The following ABCC1 variants were observed in gnomAD, a reference collection of about 807,000 sequenced individuals.
The protein encoded by ABCC1 is ATP binding cassette subfamily C member 1 (ABCC1 blood group).
ABCC1 carries 83 observed loss-of-function variants against 172.9 expected under a neutral mutation model. The ratio of observed to expected loss-of-function variants is 0.48; its 90% CI spans 0.40 to 0.58. The LOEUF is 0.58. Ranked by LOEUF, ABCC1 falls within the 20% of genes least tolerant of loss-of-function variation. The pLI is 0.00. For synonymous variants in ABCC1, 937 were observed against 825.2 expected, an observed-to-expected ratio of 1.14 and a Z score of -2.32; for missense variants, 1,817 against 2,002.7, an observed-to-expected ratio of 0.91 and a Z score of 1.77.
intron 24 of ABCC1, among the ~76,000 whole-genome samples, chr16:16,124,391 GTGTGTGTGTGTGTGTGTGTA>G (rs1196964424): frequency 9.0e-4 from 114 of 126,026 alleles, no homozygotes; most frequent in African/African-American, 2.9e-3. Context: ...GTGTGTGTGT[GTGTGTGTGTGTGTGTGTGTA>G]TGTGTGTGTG....
At chr16:16,061,503 G>C (rs1267085043) in intron 12 of ABCC1, among the ~76,000 whole-genome samples, 1 of 152,206 alleles carries the variant, frequency 6.6e-6, no homozygotes, top group East Asian at 1.9e-4. Context: ...GCATTGCGAA[G>C]TGTCCCCTTG....
At chr16:16,027,752 G>A (rs1306972898) in intron 5 of ABCC1, among the ~76,000 whole-genome samples, 1 of 152,168 alleles carries the variant, frequency 6.6e-6, no homozygotes, top group African/African-American at 2.4e-5. Context: ...GGTCGAGGCT[G>A]CAAAGAGCTA....
intron 6 of ABCC1, among the ~76,000 whole-genome samples, chr16:16,033,680 T>G (rs111982595): frequency 6.6e-6 from 1 of 152,092 alleles, no homozygotes; most frequent in Non-Finnish European, 1.5e-5. Context: ...GGAGTCTTAC[T>G]CTGTCAGTCT....
chr16:16,104,316 G>A (rs145116775), intron 20 of ABCC1, among the ~76,000 whole-genome samples: 4 of 152,250 alleles, frequency 2.6e-5, no homozygotes, highest in Non-Finnish European at 4.4e-5. Flanking sequence ...ACAGAGAGCC[G>A]ATTGGTCTGT....
At chr16:16,076,528 CTT>C in intron 15 of ABCC1, 127 bp downstream of exon 15, 2 of 892,564 alleles carry the variant, frequency 2.2e-6, no homozygotes, top group Middle Eastern at 5.2e-4. Context: ...CTTTCTAAGA[CTT>C]AGCTTACCCA....
In ABCC1 at chr16:16,068,285, A is replaced by G; in HGVS notation, c.1807A>G (p.Ile603Val). The G allele has an allele frequency of 1.2e-6, 2 of 1,614,108 alleles. No homozygotes were observed. Among genetic ancestry groups the G allele is most frequent in the Non-Finnish European group, 1.7e-6 (2 of 1,180,022 alleles). ...RFPLNILPMVISSIVQASVSL... is the reference protein window; with the variant it reads ...RFPLNILPMVVSSIVQASVSL... The stretch of plus-strand genomic sequence containing the variant: ...TCCCCTGAACATTCTCCCCATGGTC[A>G]TCAGCAGCATCGTGCAGGTACAGGG... Residue 603 changes from isoleucine (I) to valine (V), a missense_variant, in exon 13 of 31, where the codon ATC (isoleucine) becomes GTC (valine). Around this residue, in one of 3 missense-constraint regions of ABCC1, gnomAD observed 1,412 missense variants for 1,600.3 expected, o/e 0.88. Coordinates refer to ENST00000399410, the MANE Select transcript of ABCC1 (RefSeq NM_004996.4).
chr16:16,078,953 C>T (rs1192626025), intron 15 of ABCC1, among the ~76,000 whole-genome samples: 1 of 152,092 alleles, frequency 6.6e-6, no homozygotes, highest in Non-Finnish European at 1.5e-5. Context: ...CTGGGATTAC[C>T]AGCACTGGCA....
intron 1 of ABCC1, among the ~76,000 whole-genome samples, chr16:15,992,287 T>C (rs1347252131): frequency 6.6e-6 from 1 of 152,090 alleles, no homozygotes. Context: ...TATATGACAA[T>C]GTAATCATAG....
chr16:16,026,741 C>A (rs1480521375), intron 5 of ABCC1, among the ~76,000 whole-genome samples: 3 of 151,862 alleles, frequency 2.0e-5, no homozygotes, highest in Non-Finnish European at 4.4e-5. Flanking sequence ...CATGGTGAAA[C>A]CCCATCTCTA....
intron 1 of ABCC1, among the ~76,000 whole-genome samples, chr16:15,975,991 C>T (rs776764398): frequency 2.0e-5 from 3 of 152,042 alleles, no homozygotes; most frequent in East Asian, 1.9e-4. Context: ...AGAGGCCAGA[C>T]GCGGTGGCTT....
In ABCC1 at chr16:15,955,145, C is replaced by T. The variant is rs2045962358; in HGVS notation, c.48+5346C>T. Among the ~76,000 whole-genome samples, 3 of 152,238 alleles carry T rather than the reference C, an allele frequency of 2.0e-5. No individual in the cohort carries two copies. The South Asian group carries it at 6.2e-4, about 32-fold the overall frequency. ...CCAAGGCAGACGGATCATTTGAGGC[C>T]AGGAGTTTGAGACCAGTCTGGGCAG... is the stretch of plus-strand genomic sequence containing the variant. On this transcript the variant is annotated intron_variant, in intron 1 of 30. Coordinates refer to ENST00000399410, the MANE Select transcript of ABCC1 (RefSeq NM_004996.4).
intron 23 of ABCC1, among the ~76,000 whole-genome samples, chr16:16,116,295 G>A (rs1198648380): frequency 3.9e-5 from 6 of 152,088 alleles, no homozygotes. Flanking sequence ...TCAAGGAAGG[G>A]AAGTAGGGCA....
At chr16:16,022,507 G>A (rs1235654381) in intron 5 of ABCC1, among the ~76,000 whole-genome samples, 1 of 152,132 alleles carries the variant, frequency 6.6e-6, no homozygotes, top group Non-Finnish European at 1.5e-5. Context: ...GGTCCCAGCT[G>A]AAAGCAGAGG....
intron 21 of ABCC1, among the ~76,000 whole-genome samples, chr16:16,109,209 CTG>C (rs2052280323): frequency 6.6e-6 from 1 of 152,054 alleles, no homozygotes; most frequent in East Asian, 1.9e-4. Flanking sequence ...CAGAGCCTCA[CTG>C]TGTCGCTCAG....
rs188703821 is a variant in ABCC1, at chr16:16,122,385, G to A, written c.3590+211G>A. Among the ~76,000 whole-genome samples the A allele has an allele frequency of 1.1e-3, 175 of 152,270 alleles. 4 individuals are homozygous for A. In the East Asian group the frequency reaches 0.029, roughly 26 times the overall value. Reference sequence around the variant, plus strand: ...GACATGCAGTGCCCGCGGCATTTAAGTGCAGGGACACAGCTCTTCTGGAGT... The same window carrying A: ...GACATGCAGTGCCCGCGGCATTTAAATGCAGGGACACAGCTCTTCTGGAGT... On this transcript the variant is annotated intron_variant, in intron 24 of 30. Coordinates refer to ENST00000399410, the MANE Select transcript of ABCC1 (RefSeq NM_004996.4).
chr16:16,034,711 C>T (rs1408687220), intron 6 of ABCC1, among the ~76,000 whole-genome samples: 5 of 151,516 alleles, frequency 3.3e-5, no homozygotes, highest in African/African-American at 1.2e-4. Flanking sequence ...TCTCAGCCTC[C>T]TGAGTAGCTG....
intron 4 of ABCC1, 24 bp downstream of exon 4, chr16:16,014,652 T>C: frequency 6.2e-7 from 1 of 1,612,162 alleles, no homozygotes; most frequent in Non-Finnish European, 8.5e-7. Context: ...TCCTTCCTCA[T>C]CTTCCTTCAG....
chr16:16,083,311 G>A (rs1300606203), intron 16 of ABCC1, 55 bp from the exon 17 acceptor site: 43 of 1,564,460 alleles, frequency 2.7e-5, no homozygotes, highest in Middle Eastern at 4.4e-4. Context: ...CTGTTGTCTC[G>A]TTGATCAGAT....
intron 1 of ABCC1, among the ~76,000 whole-genome samples, chr16:16,007,158 G>C (rs1405371102): frequency 2.0e-5 from 3 of 151,862 alleles, no homozygotes; most frequent in Admixed American, 2.0e-4. Context: ...GTTAATGTGA[G>C]ATGAGATGCT....
Sources: gnomAD v4.1 joint callset for allele counts (sites outside exome capture counted in the v4.1 genomes callset) on GRCh38, gnomAD v4.1.1 for gene constraint, gnomAD v4.1.1 regional missense constraint, MANE v1.5 for transcripts, NCBI Gene and HGNC (gene_info 2026-07-23, HGNC 2026-07-21) for gene names.